BRWD3: variants seen among roughly 807,000 people sequenced by gnomAD.
BRWD3 encodes the protein bromodomain and WD repeat-containing protein 3.
In BRWD3, 10 loss-of-function variants were observed where a neutral mutation model predicts 149.7. The ratio of observed to expected loss-of-function variants is 0.07; its 90% CI spans 0.04 to 0.11. The LOEUF (loss-of-function observed/expected upper bound fraction) is 0.11, where lower values mean the gene tolerates loss of function less well. Ranked by LOEUF, BRWD3 falls within the 10% of genes least tolerant of loss-of-function variation. The pLI is 1.00. For missense variants in BRWD3, 940 were observed against 1,373.2 expected, an observed-to-expected ratio of 0.68 and a Z score of 4.99; for synonymous variants, 504 against 456.7, an observed-to-expected ratio of 1.10 and a Z score of -1.32.
intron 24 of BRWD3, among the ~76,000 whole-genome samples, chrX:80,703,211 C>T (rs2072814965): frequency 9.1e-6 from 1 of 110,272 alleles, no homozygotes; most frequent in South Asian, 3.8e-4. Context: ...TAAAATAAAG[C>T]CAATTATTTT....
At position 80,707,455 on chromosome X, in the gene BRWD3, C is replaced by A; in HGVS notation, c.2524G>T (p.Val842Phe). ...TSDASVEDPVVEWQSESSSSD... is the reference protein window; with the variant it reads ...TSDASVEDPVFEWQSESSSSD... ...GAAGAACTTTCACTTTGCCATTCAA[C>A]AACAGGATCCTCTACCGAAGCGTCA... Residue 842 changes from valine (V) to phenylalanine (F), a missense_variant, in exon 22 of 41, where the codon GTT becomes TTT. Val to Phe is a conservative substitution (Grantham distance 50). Around this residue, in one of 6 missense-constraint regions of BRWD3, gnomAD observed 158 missense variants for 284.0 expected, o/e 0.56. Coordinates refer to ENST00000373275, the MANE Select transcript of BRWD3 (RefSeq NM_153252.5). The A allele has an allele frequency of 8.3e-7, 1 of 1,211,720 alleles. No individual in the cohort carries two copies. The highest frequency in any genetic ancestry group is 1.1e-6 in the Non-Finnish European group (1 of 895,216).
At position 80,673,209 on chromosome X, in the gene BRWD3, T is replaced by C. The variant is rs750446858; in HGVS notation, c.*3400A>G. 61 of 111,667 alleles carry C rather than the reference T, an allele frequency of 5.5e-4. No homozygotes were observed. The highest frequency in any genetic ancestry group is 1.9e-3 in the African/African-American group (58 of 30,797). The allele number at this position is 111,667 out of a possible 1,213,427, so 9.2% of individuals were successfully genotyped here. A position where few individuals can be genotyped will look rare whatever the true frequency, so the allele number is the denominator to read the frequency against. On this transcript the variant is annotated 3_prime_UTR_variant, in exon 41 of 41. Coordinates refer to ENST00000373275, the MANE Select transcript of BRWD3 (RefSeq NM_153252.5). ...TTTCTAATTTTACTCAGTTACTTTG[T>C]TACTTTGCATCTGCGGGAAACAAAG...
In BRWD3 at chrX:80,675,610, C is replaced by T. The variant is rs2072356849; in HGVS notation, c.*999G>A. On this transcript the variant is annotated 3_prime_UTR_variant, in exon 41 of 41. Transcript: ENST00000373275. ...TTATGGGGTATTCATTCCTACTAAG[C>T]TTGTTCTATTTCTCCTTAGTCAGTA... 1 of 111,880 alleles carries T rather than the reference C, an allele frequency of 8.9e-6. No homozygotes were observed. The highest frequency in any genetic ancestry group is 9.5e-5 in the Admixed American group (1 of 10,521). The allele number at this position is 111,880 out of a possible 1,213,427, so 9.2% of individuals were successfully genotyped here. A position where few individuals can be genotyped will look rare whatever the true frequency, so the allele number is the denominator to read the frequency against.
At position 80,671,165 on chromosome X, in the gene BRWD3, A is replaced by G. The variant is rs2072320295; in HGVS notation, c.*5444T>C. The G allele has an allele frequency of 8.9e-6, 1 of 111,795 alleles. No individual in the cohort carries two copies. Among genetic ancestry groups the G allele is most frequent in the Admixed American group, 9.5e-5 (1 of 10,505 alleles). 9.2% of individuals were successfully genotyped at this position (111,795 alleles called of 1,213,427 possible). On this transcript the variant is annotated 3_prime_UTR_variant, in exon 41 of 41. Transcript: ENST00000373275. ...AGCTGTTAAAAGTTGTAAGTCATAA[A>G]TATGTTAGAGATCTATTCATTTTGA...
chrX:80,740,969 T>C (rs564342415), intron 8 of BRWD3, among the ~76,000 whole-genome samples: 1 of 111,325 alleles, frequency 9.0e-6, no homozygotes, highest in East Asian at 2.8e-4. Context: ...TGCAGGTTTG[T>C]TACATACGTA....
chrX:80,704,038 G>A (rs2072827853), intron 23 of BRWD3, among the ~76,000 whole-genome samples: 1 of 111,650 alleles, frequency 9.0e-6, no homozygotes, highest in Non-Finnish European at 1.9e-5. Context: ...AATCTATAGT[G>A]GGGAAAAGAA....
intron 40 of BRWD3, among the ~76,000 whole-genome samples, chrX:80,680,969 CTTTTT>C (rs904634410): frequency 5.4e-5 from 4 of 74,752 alleles, no homozygotes; most frequent in Non-Finnish European, 1.0e-4. Context: ...CATGTGGCTA[CTTTTT>C]TTTTTTTTTT....
chrX:80,797,268 T>G (rs1045225707), intron 4 of BRWD3, among the ~76,000 whole-genome samples: 5 of 111,956 alleles, frequency 4.5e-5, no homozygotes, highest in African/African-American at 1.6e-4. Context: ...CAGCCATTAT[T>G]TTTTCATCAA....
chrX:80,795,001 A>G (rs1161235552), intron 4 of BRWD3, among the ~76,000 whole-genome samples: 1 of 111,777 alleles, frequency 8.9e-6, no homozygotes, highest in Admixed American at 9.6e-5. Context: ...TATAAAACTA[A>G]CAATGTTATA....
rs190694859 is a variant in BRWD3 at position 80,700,369 on chromosome X, G to A, written c.2836-305C>T. ...AAACTGGTCATATTTTAAAGTATAT[G>A]TGCCCCTCCATATCCACAGCTTCTG... is the stretch of plus-strand genomic sequence containing the variant. On this transcript the variant is annotated intron_variant, in intron 24 of 40. Coordinates refer to ENST00000373275, the MANE Select transcript of BRWD3 (RefSeq NM_153252.5). 3.1e-4 allele frequency among the ~76,000 whole-genome samples: 27 copies of A among 88,116 alleles called. No individual in the cohort carries two copies. The East Asian group carries it at 6.8e-3, about 22-fold the overall frequency. The allele number at this position is 88,116 out of a possible 115,157, so 76.5% of individuals were successfully genotyped here. A position where few individuals can be genotyped will look rare whatever the true frequency, so the allele number is the denominator to read the frequency against.
chrX:80,751,926 CT>C (rs2073672895), intron 6 of BRWD3, among the ~76,000 whole-genome samples: 1 of 109,166 alleles, frequency 9.2e-6, no homozygotes, highest in Non-Finnish European at 1.9e-5. Context: ...CTGAATAGTA[CT>C]TGATTATGTA....
intron 6 of BRWD3, among the ~76,000 whole-genome samples, chrX:80,781,209 C>A (rs895721036): frequency 2.7e-5 from 3 of 110,990 alleles, no homozygotes; most frequent in African/African-American, 6.6e-5. Flanking sequence ...AACAGAGCTC[C>A]CATAAAATGG....
intron 18 of BRWD3, 68 bp downstream of exon 18, chrX:80,719,421 A>G: frequency 1.0e-6 from 1 of 999,345 alleles, no homozygotes; most frequent in South Asian, 2.3e-5. Flanking sequence ...TTTCCATGTA[A>G]TTATTTGGTA....
At position 80,744,067 on chromosome X, in the gene BRWD3, G is replaced by A; in HGVS notation, c.778C>T (p.Leu260Phe). 2 of 1,210,956 alleles carry A rather than the reference G, an allele frequency of 1.7e-6. No individual in the cohort carries two copies. Among genetic ancestry groups the A allele is most frequent in the Non-Finnish European group, 2.2e-6 (2 of 894,965 alleles). ...GTAATAGAAGCTGAATGGCCCTGAA[G>A]GACTGCAACGGGTGCACAAGTTCGA... ...CLRTCAPVAVLQGHSASITSI... is the reference protein window; with the variant it reads ...CLRTCAPVAVFQGHSASITSI... The change falls in exon 8 of 41, where the codon CTT becomes TTT. Residue 260 changes from leucine to phenylalanine, a missense_variant. Around this residue, in one of 6 missense-constraint regions of BRWD3, gnomAD observed 209 missense variants for 396.8 expected, o/e 0.53. Coordinates refer to ENST00000373275, the MANE Select transcript of BRWD3 (RefSeq NM_153252.5).
intron 6 of BRWD3, among the ~76,000 whole-genome samples, chrX:80,791,303 T>C (rs2074180013): frequency 2.7e-5 from 3 of 111,478 alleles, no homozygotes; most frequent in Non-Finnish European, 5.7e-5. Context: ...ACATACTTTG[T>C]GAGGGCGAAC....
At position 80,798,106 on chromosome X, in the gene BRWD3, T is replaced by TTAAA. The variant is rs998096898; in HGVS notation, c.181-4338_181-4335dup. On this transcript the variant is annotated intron_variant, in intron 4 of 40. Transcript: ENST00000373275. ...CGAGACTCCACCTCAAAAACATAAA[T>TTAAA]TAAATAAATAAATAAATAAATAAAA... Among the ~76,000 whole-genome samples, 74 of 110,330 alleles carry TTAAA rather than the reference T, an allele frequency of 6.7e-4. 1 individual carries two copies. The highest frequency in any genetic ancestry group is 1.1e-3 in the Non-Finnish European group (56 of 52,781).
intron 12 of BRWD3, among the ~76,000 whole-genome samples, chrX:80,731,109 A>T (rs1483438874): frequency 2.7e-5 from 3 of 111,423 alleles, no homozygotes; most frequent in Admixed American, 1.9e-4. Flanking sequence ...TTCCCTGAAA[A>T]GTTTTTTTAA....
chrX:80,740,656 G>T (rs746453992), intron 8 of BRWD3, among the ~76,000 whole-genome samples: 2 of 111,737 alleles, frequency 1.8e-5, no homozygotes, highest in Non-Finnish European at 3.8e-5. Context: ...GGTGGAGGTG[G>T]GAAGATCACT....
At chrX:80,799,574 G>T (rs1184582636) in intron 4 of BRWD3, among the ~76,000 whole-genome samples, 3 of 112,142 alleles carry the variant, frequency 2.7e-5, no homozygotes, top group Non-Finnish European at 5.6e-5. Context: ...ACAAAAGTTA[G>T]TCATGTAATC....
Sources: allele counts gnomAD v4.1 joint callset (sites outside exome capture counted in the v4.1 genomes callset), GRCh38; gene constraint gnomAD v4.1.1; regional missense constraint gnomAD v4.1.1; transcripts MANE v1.5; gene names NCBI Gene and HGNC (gene_info 2026-07-23, HGNC 2026-07-21).